The following DCDC1 variants were observed in gnomAD, a reference collection of about 807,000 sequenced individuals.
The protein encoded by DCDC1 is doublecortin domain-containing protein 1.
DCDC1 carries 200 observed loss-of-function variants against 178.3 expected under a neutral mutation model. The ratio of observed to expected loss-of-function variants is 1.12; its 90% CI spans 1.00 to 1.26. The LOEUF (loss-of-function observed/expected upper bound fraction) is 1.26, where lower values mean the gene tolerates loss of function less well. DCDC1 is among the 50% of genes most tolerant of loss of function. DCDC1 has a pLI of 0.00. For synonymous variants in DCDC1, 690 were observed against 604.8 expected, an observed-to-expected ratio of 1.14 and a Z score of -2.07; for missense variants, 1,983 against 1,749.2, an observed-to-expected ratio of 1.13 and a Z score of -2.38.
chr11:31,177,241 T>C (rs208113), intron 9 of DCDC1, among the ~76,000 whole-genome samples: 90,092 of 151,686 alleles, frequency 0.59, 27,192 homozygotes, highest in East Asian at 0.93. Flanking sequence ...TTATTAACTA[T>C]AAAACTCTTT....
chr11:31,360,257 G>A (rs752645937), intron 1 of DCDC1, among the ~76,000 whole-genome samples: 2 of 152,198 alleles, frequency 1.3e-5, no homozygotes, highest in Admixed American at 6.5e-5. Flanking sequence ...AATACATACC[G>A]AGGTATGGAT....
chr11:30,866,252 T>C (rs1940965437), intron 38 of DCDC1, among the ~76,000 whole-genome samples: 1 of 152,146 alleles, frequency 6.6e-6, no homozygotes, highest in Non-Finnish European at 1.5e-5. Flanking sequence ...TAACATAGAC[T>C]GGGTAGCTTA....
chr11:30,868,240 T>C (rs1165944607), intron 38 of DCDC1, among the ~76,000 whole-genome samples: 1 of 136,958 alleles, frequency 7.3e-6, no homozygotes, highest in East Asian at 2.1e-4. Flanking sequence ...CTTTCATACC[T>C]GCTTTTTTTT....
In DCDC1 at chr11:31,237,789, G is replaced by A. The variant is rs142607012; in HGVS notation, c.1221+3661C>T. Among the ~76,000 whole-genome samples, 606 of 152,102 alleles carry A rather than the reference G, an allele frequency of 4.0e-3. 4 individuals are homozygous for A. Among genetic ancestry groups the A allele is most frequent in the African/African-American group, 0.014 (563 of 41,522 alleles). ...TATTTTGCTTTAAGTAATCAAATCAGCTAAAATTTAATATCAAACAATCAT... is the reference window on the plus strand; with the variant it reads ...TATTTTGCTTTAAGTAATCAAATCAACTAAAATTTAATATCAAACAATCAT... On this transcript the variant is annotated intron_variant, in intron 9 of 38. Transcript: ENST00000684477.
chr11:31,004,107 T>C (rs1259997058), intron 20 of DCDC1, among the ~76,000 whole-genome samples: 2 of 152,130 alleles, frequency 1.3e-5, no homozygotes, highest in African/African-American at 4.8e-5. Flanking sequence ...CAATTACCTA[T>C]TGAATAAAAA....
intron 20 of DCDC1, among the ~76,000 whole-genome samples, chr11:31,022,424 T>C (rs2135212897): frequency 6.6e-6 from 1 of 152,246 alleles, no homozygotes; most frequent in South Asian, 2.1e-4. Flanking sequence ...TAATTTGGTA[T>C]AACCTCATCT....
chr11:31,187,656 T>C (rs1000927427), intron 9 of DCDC1, among the ~76,000 whole-genome samples: 2 of 152,176 alleles, frequency 1.3e-5, no homozygotes, highest in Non-Finnish European at 1.5e-5. Flanking sequence ...CAGTATAAAA[T>C]AAAGCTGATG....
At chr11:30,993,613 A>G (rs1951100230) in intron 20 of DCDC1, among the ~76,000 whole-genome samples, 1 of 152,138 alleles carries the variant, frequency 6.6e-6, no homozygotes, top group Non-Finnish European at 1.5e-5. Flanking sequence ...GATATCAGAA[A>G]TGAAAAACAA....
chr11:31,269,384 C>CTT (rs11370444), intron 7 of DCDC1, among the ~76,000 whole-genome samples: 11 of 148,904 alleles, frequency 7.4e-5, no homozygotes, highest in Non-Finnish European at 9.0e-5. Context: ...TTGTTAATTC[C>CTT]TTTTTTTTTT....
chr11:31,257,389 C>T (rs1336009678), intron 8 of DCDC1, among the ~76,000 whole-genome samples: 1 of 152,084 alleles, frequency 6.6e-6, no homozygotes, highest in Non-Finnish European at 1.5e-5. Context: ...TAAACCCAAA[C>T]TATGGCTTCA....
chr11:31,137,155 T>C (rs888002965), intron 10 of DCDC1, among the ~76,000 whole-genome samples: 1 of 152,160 alleles, frequency 6.6e-6, no homozygotes, highest in Non-Finnish European at 1.5e-5. Flanking sequence ...AAAATATTCA[T>C]GAGACTTTTT....
At chr11:31,215,677 T>G (rs1302750154) in intron 9 of DCDC1, among the ~76,000 whole-genome samples, 1 of 151,334 alleles carries the variant, frequency 6.6e-6, no homozygotes, top group Non-Finnish European at 1.5e-5. Context: ...CCTATAGTCC[T>G]AGCTACTCGG....
intron 30 of DCDC1, among the ~76,000 whole-genome samples, chr11:30,906,020 G>T (rs371760708): frequency 4.6e-5 from 7 of 152,160 alleles, no homozygotes; most frequent in Admixed American, 2.0e-4. Flanking sequence ...TTTTTAAATG[G>T]TACCATTTTA....
chr11:31,303,816 A>G (rs950721958), intron 6 of DCDC1, among the ~76,000 whole-genome samples: 1 of 152,106 alleles, frequency 6.6e-6, no homozygotes, highest in African/African-American at 2.4e-5. Context: ...TTCTCAAAAG[A>G]CAAGGCACAT....
At chr11:31,303,295 CAATTGT>C (rs1177294073) in intron 6 of DCDC1, among the ~76,000 whole-genome samples, 4 of 152,196 alleles carry the variant, frequency 2.6e-5, no homozygotes, top group African/African-American at 9.6e-5. Flanking sequence ...GACCAGTTAT[CAATTGT>C]ATATAAAATA....
intron 15 of DCDC1, among the ~76,000 whole-genome samples, chr11:31,094,453 T>TTC (rs1439316550): frequency 3.3e-5 from 5 of 151,984 alleles, no homozygotes; most frequent in Admixed American, 2.6e-4. Context: ...TAGAGGCAAC[T>TTC]TCTCTCTCTC....
chr11:31,156,288 T>G (rs1965708067), intron 9 of DCDC1, among the ~76,000 whole-genome samples: 2 of 152,214 alleles, frequency 1.3e-5, no homozygotes, highest in Admixed American at 1.3e-4. Flanking sequence ...AGTTCAAAGC[T>G]AATGTTTCCT....
chr11:31,110,515 C>T (rs375604782), intron 11 of DCDC1, among the ~76,000 whole-genome samples, 154 bp from the exon 12 acceptor site: 8 of 151,948 alleles, frequency 5.3e-5, no homozygotes, highest in African/African-American at 1.5e-4. Context: ...AAGCAAGGAC[C>T]GACTGTATAA....
chr11:31,085,473 T>C (rs370501726), intron 17 of DCDC1, among the ~76,000 whole-genome samples: 5 of 152,282 alleles, frequency 3.3e-5, no homozygotes, highest in East Asian at 3.9e-4. Flanking sequence ...AAATTATATA[T>C]ATATTGAATC....
Sources: allele counts gnomAD v4.1 joint callset (sites outside exome capture counted in the v4.1 genomes callset), GRCh38; gene constraint gnomAD v4.1.1; transcripts MANE v1.5; gene names NCBI Gene and HGNC (gene_info 2026-07-23, HGNC 2026-07-21).